IL12RB2: variants seen among roughly 807,000 people sequenced by gnomAD.
The protein encoded by IL12RB2 is interleukin 12 receptor subunit beta 2, also known as interleukin-12 receptor subunit beta-2.
In IL12RB2, 82 loss-of-function variants were observed where a neutral mutation model predicts 89.4. That is an observed-to-expected ratio of 0.92 (90% CI 0.77 to 1.10). IL12RB2 has a LOEUF of 1.10. Among genes scored for constraint, IL12RB2 ranks in the 50% least tolerant of loss-of-function variants. The pLI, the probability that IL12RB2 is intolerant of heterozygous loss-of-function variation, is 0.00. For synonymous variants in IL12RB2, 368 were observed against 370.1 expected, an observed-to-expected ratio of 0.99 and a Z score of 0.07; for missense variants, 963 against 1,031.9, an observed-to-expected ratio of 0.93 and a Z score of 0.92.
At chr1:67,355,133 GC>G (rs1161992992) in intron 10 of IL12RB2, among the ~76,000 whole-genome samples, 1 of 152,006 alleles carries the variant, frequency 6.6e-6, no homozygotes, top group Admixed American at 6.6e-5. Context: ...GAAGGCCAGG[GC>G]CAGGCGCCGT....
intron 4 of IL12RB2, among the ~76,000 whole-genome samples, chr1:67,323,196 G>A (rs919451326): frequency 9.9e-5 from 15 of 152,260 alleles, no homozygotes; most frequent in East Asian, 3.9e-4. Context: ...CCAGAAGCAC[G>A]GAGCAGAAGA....
At chr1:67,318,820 C>A (rs2100574501) in intron 2 of IL12RB2, among the ~76,000 whole-genome samples, 1 of 151,928 alleles carries the variant, frequency 6.6e-6, no homozygotes, top group South Asian at 2.1e-4. Flanking sequence ...ACTCTGAAAT[C>A]TTTAGCTAGC....
At chr1:67,388,321 C>T (rs538111116) in intron 15 of IL12RB2, among the ~76,000 whole-genome samples, 2 of 152,188 alleles carry the variant, frequency 1.3e-5, no homozygotes, top group East Asian at 3.9e-4. Flanking sequence ...TTACTCTGTG[C>T]CCCAAGGATA....
chr1:67,392,140 A>G (rs1008120805), intron 16 of IL12RB2, among the ~76,000 whole-genome samples: 14 of 152,138 alleles, frequency 9.2e-5, no homozygotes, highest in African/African-American at 3.1e-4. Context: ...AGCAGTCTAC[A>G]CCTCTGAGCT....
intron 2 of IL12RB2, among the ~76,000 whole-genome samples, chr1:67,318,534 T>C (rs1474325221): frequency 6.6e-6 from 1 of 152,002 alleles, no homozygotes; most frequent in African/African-American, 2.4e-5. Context: ...CTGTAACATA[T>C]TTTGGAGGTA....
intron 8 of IL12RB2, among the ~76,000 whole-genome samples, chr1:67,337,857 T>G (rs1023092116): frequency 6.7e-6 from 1 of 149,770 alleles, no homozygotes; most frequent in African/African-American, 2.5e-5. Flanking sequence ...TGTTTTTCTA[T>G]ATGAGTTGTA....
At chr1:67,325,566 G>T (rs1392487899) in intron 4 of IL12RB2, among the ~76,000 whole-genome samples, 1 of 152,206 alleles carries the variant, frequency 6.6e-6, no homozygotes, top group African/African-American at 2.4e-5. Flanking sequence ...CCAGCGAAAA[G>T]AGACTTTTTT....
At position 67,309,690 on chromosome 1, in the gene IL12RB2, T is replaced by C. The variant is rs1240095507; in HGVS notation, c.-125+1723T>C. On this transcript the variant is annotated intron_variant, in intron 1 of 16. Coordinates refer to ENST00000674203, the MANE Select transcript of IL12RB2 (RefSeq NM_001374259.2). The stretch of plus-strand genomic sequence containing the variant: ...TTTTCTGTATTAGAATGAGTTTTAG[T>C]GTGAAAAAAAATTCGAAAGCACACA... Among the ~76,000 whole-genome samples, 7 of 152,134 alleles carry C rather than the reference T, an allele frequency of 4.6e-5. No homozygotes were observed. In the East Asian group the frequency reaches 5.8e-4, roughly 13 times the overall value.
At chr1:67,335,396 G>A (rs1420454586) in intron 8 of IL12RB2, among the ~76,000 whole-genome samples, 3 of 152,158 alleles carry the variant, frequency 2.0e-5, no homozygotes, top group Non-Finnish European at 4.4e-5. Flanking sequence ...ATTGGTTGGG[G>A]GAGTTTGAAC....
intron 9 of IL12RB2, among the ~76,000 whole-genome samples, chr1:67,341,521 A>G (rs57256757): frequency 0.076 from 8,532 of 112,828 alleles, 375 homozygotes; most frequent in Middle Eastern, 0.096. Flanking sequence ...AAGGAAAGAA[A>G]AAAGAAAGAG....
intron 11 of IL12RB2, among the ~76,000 whole-genome samples, chr1:67,370,389 T>G (rs2101000668): frequency 6.6e-6 from 1 of 152,258 alleles, no homozygotes; most frequent in South Asian, 2.1e-4. Context: ...ATAGAGCCAC[T>G]CCTTTTACAA....
intron 4 of IL12RB2, 68 bp from the exon 5 acceptor site, chr1:67,326,667 C>A: frequency 1.9e-6 from 3 of 1,580,492 alleles, no homozygotes; most frequent in Non-Finnish European, 2.6e-6. Context: ...ATGTTGATGG[C>A]AGATAATAAC....
At chr1:67,326,900 T>C (rs1346743397) in intron 5 of IL12RB2, 51 bp downstream of exon 5, 3 of 1,338,148 alleles carry the variant, frequency 2.2e-6, no homozygotes, top group South Asian at 2.5e-5. Flanking sequence ...TTCTCTTAAA[T>C]GACATTTAGA....
intron 9 of IL12RB2, among the ~76,000 whole-genome samples, chr1:67,345,830 A>C (rs1390820199): frequency 6.6e-6 from 1 of 152,240 alleles, no homozygotes; most frequent in Non-Finnish European, 1.5e-5. Context: ...TTGATTGGAT[A>C]GCAGAATGTG....
At chr1:67,362,565 T>A in intron 10 of IL12RB2, among the ~76,000 whole-genome samples, 1 of 100,784 alleles carries the variant, frequency 9.9e-6, no homozygotes, top group African/African-American at 4.0e-5. Context: ...AGAGCGAGAC[T>A]CCGTCTCAAA....
At chr1:67,314,483 T>C (rs1302555369) in intron 2 of IL12RB2, among the ~76,000 whole-genome samples, 1 of 152,204 alleles carries the variant, frequency 6.6e-6, no homozygotes, top group African/African-American at 2.4e-5. Context: ...GGTATTACTA[T>C]ACCTACTGTA....
At chr1:67,365,731 C>A (rs556808328) in intron 10 of IL12RB2, among the ~76,000 whole-genome samples, 1 of 151,610 alleles carries the variant, frequency 6.6e-6, no homozygotes, top group South Asian at 2.1e-4. Flanking sequence ...TATTCTCCCC[C>A]TGAAAAAAAA....
At chr1:67,355,968 G>C (rs779669530) in intron 10 of IL12RB2, among the ~76,000 whole-genome samples, 1 of 152,164 alleles carries the variant, frequency 6.6e-6, no homozygotes, top group Non-Finnish European at 1.5e-5. Flanking sequence ...GGTTAGAAAG[G>C]CTCTTTGGCT....
At chr1:67,386,938 A>T (rs996554986) in intron 15 of IL12RB2, among the ~76,000 whole-genome samples, 50 of 142,542 alleles carry the variant, frequency 3.5e-4, no homozygotes, top group African/African-American at 1.0e-3. Context: ...CCCCAAAAAA[A>T]TTTTTTTGAG....
Sources: allele counts gnomAD v4.1 joint callset (sites outside exome capture counted in the v4.1 genomes callset), GRCh38; gene constraint gnomAD v4.1.1; transcripts MANE v1.5; gene names NCBI Gene and HGNC (gene_info 2026-07-23, HGNC 2026-07-21).